The following DNAH7 variants were observed in gnomAD, a reference collection of about 807,000 sequenced individuals.
DNAH7 encodes the protein axonemal beta dynein heavy chain 7.
A neutral mutation model predicts 444.6 loss-of-function variants in DNAH7; 397 were observed. The observed-to-expected ratio is 0.89, with a 90% CI of 0.82 to 0.97. The LOEUF (loss-of-function observed/expected upper bound fraction) is 0.97. DNAH7 is among the 50% of genes least tolerant of loss of function. The probability of loss-of-function intolerance (pLI) is 0.00; values close to 1 mark genes in which losing one functional copy is unlikely to be tolerated. For missense variants in DNAH7, 4,902 were observed against 4,800.8 expected (o/e 1.02, Z -0.62); for synonymous variants, 1,636 against 1,624.4 (o/e 1.01, Z -0.17).
intron 21 of DNAH7, among the ~76,000 whole-genome samples, chr2:195,930,879 T>C (rs1404083546): frequency 6.6e-6 from 1 of 152,062 alleles, no homozygotes; most frequent in African/African-American, 2.4e-5. Context: ...TGCAGCAACA[T>C]GGATGCAGCT....
At chr2:195,775,792 C>T in intron 60 of DNAH7, 54 bp downstream of exon 60, 11 of 1,576,020 alleles carry the variant, frequency 7.0e-6, no homozygotes, top group Non-Finnish European at 9.5e-6. Flanking sequence ...GCACACGTGC[C>T]TGGGGAGCAT....
chr2:195,948,863 A>T (rs1390538301), intron 19 of DNAH7, among the ~76,000 whole-genome samples: 1 of 152,128 alleles, frequency 6.6e-6, no homozygotes, highest in Admixed American at 6.5e-5. Context: ...GATAGCACTG[A>T]ATCTATTAAT....
At chr2:195,921,378 C>CAT (rs1688013718) in intron 24 of DNAH7, among the ~76,000 whole-genome samples, 1 of 151,778 alleles carries the variant, frequency 6.6e-6, no homozygotes, top group African/African-American at 2.4e-5. Context: ...CACACACACA[C>CAT]ACACACACAC....
chr2:195,927,626 G>T (rs1688425170), intron 21 of DNAH7, among the ~76,000 whole-genome samples: 1 of 151,784 alleles, frequency 6.6e-6, no homozygotes, highest in African/African-American at 2.4e-5. Flanking sequence ...ACAAGAGAAA[G>T]ACATTCAAAT....
intron 19 of DNAH7, among the ~76,000 whole-genome samples, chr2:195,941,451 C>CAAAAAAAA (rs1207029040): frequency 3.5e-5 from 2 of 56,764 alleles, no homozygotes; most frequent in African/African-American, 5.4e-5. Flanking sequence ...ACCTAGATGA[C>CAAAAAAAA]AAAAAAAAAA....
intron 33 of DNAH7, among the ~76,000 whole-genome samples, chr2:195,887,374 G>C (rs1410823603): frequency 6.6e-6 from 1 of 152,108 alleles, no homozygotes; most frequent in African/African-American, 2.4e-5. Flanking sequence ...TTCAGTTACA[G>C]CCAAACTTCT....
At chr2:195,771,140 G>A (rs1347845893) in intron 61 of DNAH7, among the ~76,000 whole-genome samples, 1 of 151,740 alleles carries the variant, frequency 6.6e-6, no homozygotes, top group African/African-American at 2.4e-5. Context: ...GCAGGATGGC[G>A]AGACCCCATC....
chr2:195,905,644 A>C (rs952903233), intron 27 of DNAH7: 2 of 152,180 alleles, frequency 1.3e-5, no homozygotes, highest in Non-Finnish European at 2.9e-5. Flanking sequence ...TGTGCCATAC[A>C]TATGCAATTC....
intron 5 of DNAH7, among the ~76,000 whole-genome samples, chr2:196,031,377 G>A (rs189708835): frequency 2.0e-3 from 312 of 152,322 alleles, no homozygotes; most frequent in African/African-American, 7.0e-3. Context: ...AGGGGCTGCC[G>A]TGAAGACCTC....
intron 12 of DNAH7, among the ~76,000 whole-genome samples, chr2:195,997,249 A>G (rs1307773075): frequency 6.6e-6 from 1 of 152,200 alleles, no homozygotes; most frequent in African/African-American, 2.4e-5. Context: ...ATGGTGGCTC[A>G]TGCCTGTAAT....
intron 45 of DNAH7, 96 bp from the exon 46 acceptor site, chr2:195,853,624 A>G: frequency 8.0e-7 from 1 of 1,245,698 alleles, no homozygotes; most frequent in Non-Finnish European, 1.1e-6. Flanking sequence ...ATTATTTTTA[A>G]TGACAGACTT....
intron 21 of DNAH7, among the ~76,000 whole-genome samples, chr2:195,932,168 G>A (rs962279441): frequency 6.6e-6 from 1 of 152,090 alleles, no homozygotes; most frequent in African/African-American, 2.4e-5. Context: ...CCTAGGTATT[G>A]TACTCTCTTT....
At chr2:195,884,539 G>T in intron 35 of DNAH7, 46 bp downstream of exon 35, 1 of 1,406,542 alleles carries the variant, frequency 7.1e-7, no homozygotes, top group Non-Finnish European at 1.0e-6. Flanking sequence ...TCAGAGAGGG[G>T]ACTCTGCCAG....
chr2:195,816,610 A>T lies in DNAH7; in HGVS notation c.9761+18T>A. On this transcript the variant is annotated intron_variant, in intron 51 of 64. Transcript: ENST00000312428. ...ATGCATTAATTAGTTAATATTAACT[A>T]GTATTTCCTTTACATACCTTTTTGC... 1 of 1,548,456 alleles carries T rather than the reference A, an allele frequency of 6.5e-7. No homozygotes were observed. The highest frequency in any genetic ancestry group is 1.2e-5 in the South Asian group (1 of 86,886).
At chr2:195,922,260 C>A in intron 23 of DNAH7, 63 bp from the exon 24 acceptor site, 1 of 990,186 alleles carries the variant, frequency 1.0e-6, no homozygotes, top group Non-Finnish European at 1.6e-6. Flanking sequence ...AAATCTCAAG[C>A]TCTTTAATAA....
intron 16 of DNAH7, 123 bp from the exon 17 acceptor site, chr2:195,970,217 G>A: frequency 2.3e-6 from 2 of 879,460 alleles, no homozygotes; most frequent in Non-Finnish European, 3.3e-6. Flanking sequence ...AACATAAAAG[G>A]ATGATCTGGA....
At chr2:196,028,070 A>C (rs775353230) in intron 5 of DNAH7, 23 bp from the exon 6 acceptor site, 1 of 1,592,730 alleles carries the variant, frequency 6.3e-7, no homozygotes, top group Middle Eastern at 1.7e-4. Flanking sequence ...TAAACATACT[A>C]TTCAAAAGTA....
chr2:195,886,019 T>C, intron 34 of DNAH7, 122 bp downstream of exon 34: 1 of 1,164,772 alleles, frequency 8.6e-7, no homozygotes, highest in South Asian at 1.7e-5. Flanking sequence ...ATTCTTCAGC[T>C]ACCACCCGTT....
rs1473032805 is a variant in DNAH7 at position 195,987,194 on chromosome 2, C to T, written c.1627-1G>A. 1.3e-6 allele frequency: 2 copies of T among 1,564,072 alleles called. No individual in the cohort carries two copies. The highest frequency in any genetic ancestry group is 1.7e-6 in the Non-Finnish European group (2 of 1,158,830). ...TTTCAAACATTCCTAAACGAATAGTCTGCAAAAGATTAAAAGTTTAATCAA... is the reference window on the plus strand; with the variant it reads ...TTTCAAACATTCCTAAACGAATAGTTTGCAAAAGATTAAAAGTTTAATCAA... On this transcript the variant is annotated splice_acceptor_variant, in intron 13 of 64. Transcript: ENST00000312428. LOFTEE classifies it high-confidence loss of function.
Sources: gnomAD v4.1 joint callset for allele counts (sites outside exome capture counted in the v4.1 genomes callset) on GRCh38, gnomAD v4.1.1 for gene constraint, MANE v1.5 for transcripts, NCBI Gene and HGNC (gene_info 2026-07-23, HGNC 2026-07-21) for gene names.